Variants in KATNIP observed in about 807,000 individuals in gnomAD.
KATNIP encodes katanin-interacting protein.
KATNIP carries 126 observed loss-of-function variants against 174.0 expected under a neutral mutation model. That is an observed-to-expected ratio of 0.72 (90% CI 0.63 to 0.84). The LOEUF is 0.84. KATNIP is among the 40% of genes least tolerant of loss of function. The pLI is 0.00. For synonymous variants in KATNIP, 810 were observed against 835.7 expected, an observed-to-expected ratio of 0.97 and a Z score of 0.53; for missense variants, 1,958 against 2,109.7, an observed-to-expected ratio of 0.93 and a Z score of 1.41.
intron 6 of KATNIP, among the ~76,000 whole-genome samples, chr16:27,656,476 G>A (rs1195826465): frequency 6.6e-6 from 1 of 151,102 alleles, no homozygotes; most frequent in East Asian, 1.9e-4. Context: ...AGAGACAAAG[G>A]GCACTGTTTC....
intron 27 of KATNIP, 127 bp downstream of exon 27, chr16:27,778,096 A>AGCCT: frequency 1.3e-6 from 1 of 789,580 alleles, no homozygotes; most frequent in Non-Finnish European, 2.0e-6. Flanking sequence ...TCTGCCCAGG[A>AGCCT]GCCTGCCCAA....
Position 27,776,767 on chromosome 16 carries a change from G to A in KATNIP, c.4450-161G>A. The stretch of plus-strand genomic sequence containing the variant: ...CCACACGTGACCTGACTCAAGATGG[G>A]CTTCGAGGAGATGAAAGGGGGCGGA... On this transcript the variant is annotated intron_variant, in intron 24 of 27. Transcript: ENST00000261588. This position sits in a 1 kb window ranked among gnomAD's most constrained non-coding sequence, Gnocchi z 4.7. 3.2e-6 allele frequency: 2 copies of A among 633,732 alleles called. No homozygotes were observed. Among genetic ancestry groups the A allele is most frequent in the Non-Finnish European group, 5.7e-6 (2 of 351,386 alleles). 39.3% of individuals were successfully genotyped at this position (633,732 alleles called of 1,614,324 possible). A position where few individuals can be genotyped will look rare whatever the true frequency, so the allele number is the denominator to read the frequency against.
At chr16:27,629,273 G>C (rs917224027) in intron 4 of KATNIP, among the ~76,000 whole-genome samples, 4 of 151,968 alleles carry the variant, frequency 2.6e-5, no homozygotes, top group African/African-American at 9.7e-5. Flanking sequence ...ATAAGAATGA[G>C]AAAGAGAAAT....
At position 27,775,116 on chromosome 16, in the gene KATNIP, T is replaced by C. The variant is rs544058651; in HGVS notation, c.4449+32T>C. 4.4e-6 allele frequency: 7 copies of C among 1,599,614 alleles called. No homozygotes were observed. In the African/African-American group the frequency reaches 9.4e-5, roughly 22 times the overall value. On this transcript the variant is annotated intron_variant, in intron 24 of 27. Coordinates refer to ENST00000261588, the MANE Select transcript of KATNIP (RefSeq NM_015202.5). ...TCCCGGCAGCGGCCACCGCAGCTCC[T>C]GGCCCTCAGGCGGGCAGGGGGACTT...
chr16:27,702,436 C>T (rs1368769448), intron 11 of KATNIP, among the ~76,000 whole-genome samples: 1 of 152,228 alleles, frequency 6.6e-6, no homozygotes, highest in East Asian at 1.9e-4. Context: ...TCCCTCTAGT[C>T]TTCAGACAAA....
chr16:27,770,008 C>T lies in KATNIP; in HGVS notation c.4123C>T (p.Pro1375Ser). 1 of 1,613,602 alleles carries T rather than the reference C, an allele frequency of 6.2e-7. No homozygotes were observed. The highest frequency in any genetic ancestry group is 8.5e-7 in the Non-Finnish European group (1 of 1,179,548). Residue 1375 changes from proline (P) to serine (S), a missense_variant, in exon 21 of 28, where the codon CCG becomes TCG. Pro to Ser is a moderately conservative substitution (Grantham distance 74, BLOSUM62 -1). Coordinates refer to ENST00000261588, the MANE Select transcript of KATNIP (RefSeq NM_015202.5). The stretch of plus-strand genomic sequence containing the variant: ...CCTACGGGCTCAGCTGCTGCCCCAG[C>T]CGGCCAGGAGGTGAGGAGAAAGTGG... ...DYLRAQLLPQ[P>S]ARRLDMRSLE...
rs1343152910 is a variant in KATNIP at position 27,773,023 on chromosome 16, T to C, written c.4199-76T>C. On this transcript the variant is annotated intron_variant, in intron 22 of 27. Coordinates refer to ENST00000261588, the MANE Select transcript of KATNIP (RefSeq NM_015202.5). ...ATCAACATAAACCCAAAACAATTCC[T>C]CTTATCTTTGCCATTGTTTTACTAT... The C allele has an allele frequency of 5.0e-6, 4 of 800,414 alleles. No individual in the cohort carries two copies. The East Asian group carries it at 1.1e-4, about 22-fold the overall frequency. The allele number at this position is 800,414 out of a possible 1,614,324, so 49.6% of individuals were successfully genotyped here.
rs534633563 is a variant in KATNIP, at chr16:27,552,044, C to T, written c.7+1867C>T. ...ATAGCTAGACCCTGTCTCAAAAAAA[C>T]TCCAACAACAATAAACCCATTACTT... On this transcript the variant is annotated intron_variant, in intron 1 of 27. Coordinates refer to ENST00000261588, the MANE Select transcript of KATNIP (RefSeq NM_015202.5). Among the ~76,000 whole-genome samples the T allele has an allele frequency of 1.6e-4, 24 of 152,298 alleles. No homozygotes were observed. The South Asian group carries it at 3.7e-3, about 24-fold the overall frequency.
intron 13 of KATNIP, among the ~76,000 whole-genome samples, chr16:27,709,849 C>A (rs916705100): frequency 4.6e-5 from 7 of 152,090 alleles, no homozygotes; most frequent in African/African-American, 1.7e-4. Context: ...CACTGGACCT[C>A]AGGGGTCATT....
chr16:27,558,419 A>G (rs1239681601), intron 1 of KATNIP, among the ~76,000 whole-genome samples: 1 of 152,248 alleles, frequency 6.6e-6, no homozygotes, highest in African/African-American at 2.4e-5. Context: ...TGCTGGGATT[A>G]CAGGCATGAG....
intron 14 of KATNIP, 56 bp from the exon 15 acceptor site, chr16:27,739,985 T>G: frequency 6.5e-7 from 1 of 1,531,334 alleles, no homozygotes; most frequent in Non-Finnish European, 8.8e-7. Context: ...CTTCCAAAAT[T>G]TCATACATCA....
intron 2 of KATNIP, among the ~76,000 whole-genome samples, chr16:27,575,749 G>T (rs941431949): frequency 6.6e-6 from 1 of 152,146 alleles, no homozygotes; most frequent in African/African-American, 2.4e-5. Flanking sequence ...AACCAGAACA[G>T]CCAGTTTGCA....
chr16:27,605,906 G>T (rs145755870), intron 2 of KATNIP, among the ~76,000 whole-genome samples: 2,320 of 152,262 alleles, frequency 0.015, 29 homozygotes, highest in Non-Finnish European at 0.024. Flanking sequence ...AAGGAGGGTG[G>T]ATCACTTGAG....
chr16:27,690,351 TA>T (rs1191468077), intron 8 of KATNIP, among the ~76,000 whole-genome samples: 3 of 119,426 alleles, frequency 2.5e-5, no homozygotes, highest in African/African-American at 6.5e-5. Flanking sequence ...GATAGATAGA[TA>T]GATAGATAGA....
chr16:27,712,696 A>G (rs897685987), intron 13 of KATNIP, among the ~76,000 whole-genome samples: 1 of 151,924 alleles, frequency 6.6e-6, no homozygotes, highest in Non-Finnish European at 1.5e-5. Flanking sequence ...CCTCAAGATG[A>G]CTCCAGATTT....
rs753067162 is a variant in KATNIP at position 27,623,820 on chromosome 16, A to G, written c.141-4841A>G. The stretch of plus-strand genomic sequence containing the variant: ...CACACCACTCAGAGACCACTCAGTC[A>G]TAAGCCTAGTCACAATTAAGCCGCT... On this transcript the variant is annotated intron_variant, in intron 3 of 27. Transcript: ENST00000261588. Among the ~76,000 whole-genome samples the G allele has an allele frequency of 6.6e-5, 10 of 152,128 alleles. No individual in the cohort carries two copies. In the East Asian group the frequency reaches 1.4e-3, roughly 21 times the overall value.
chr16:27,666,851 G>A (rs1409365684), intron 6 of KATNIP, among the ~76,000 whole-genome samples: 2 of 151,974 alleles, frequency 1.3e-5, no homozygotes, highest in Admixed American at 1.3e-4. Context: ...CTTTATTATG[G>A]ACGTGGACTG....
chr16:27,623,809 A>T (rs1197763655), intron 3 of KATNIP, among the ~76,000 whole-genome samples: 1 of 151,984 alleles, frequency 6.6e-6, no homozygotes, highest in East Asian at 1.9e-4. Flanking sequence ...CCACTCAGAG[A>T]CCACTCAGTC....
chr16:27,730,245 A>G (rs1309884683), intron 14 of KATNIP, among the ~76,000 whole-genome samples: 1 of 152,242 alleles, frequency 6.6e-6, no homozygotes, highest in Non-Finnish European at 1.5e-5. Flanking sequence ...GCTGGATCAC[A>G]TGATGTTTTC....
Sources: allele counts gnomAD v4.1 joint callset (sites outside exome capture counted in the v4.1 genomes callset), GRCh38; gene constraint gnomAD v4.1.1; non-coding constraint Gnocchi (gnomAD v3.1); transcripts MANE v1.5; gene names NCBI Gene and HGNC (gene_info 2026-07-23, HGNC 2026-07-21).